MMP26: variants seen among roughly 807,000 people sequenced by gnomAD.
MMP26 encodes matrix metallopeptidase 26.
A neutral mutation model predicts 31.0 loss-of-function variants in MMP26; 33 were observed. The ratio of observed to expected loss-of-function variants is 1.06; its 90% CI spans 0.81 to 1.42. The LOEUF is 1.42. MMP26 is among the 40% of genes most tolerant of loss of function. MMP26 has a pLI of 0.00. For synonymous variants in MMP26, 122 were observed against 114.9 expected, an observed-to-expected ratio of 1.06 and a Z score of -0.40; for missense variants, 347 against 316.1, an observed-to-expected ratio of 1.10 and a Z score of -0.74.
At chr11:4,982,733 T>C (rs537916371) in intron 2 of MMP26, among the ~76,000 whole-genome samples, 7 of 152,316 alleles carry the variant, frequency 4.6e-5, no homozygotes, top group African/African-American at 1.4e-4. Flanking sequence ...ACATGACTTT[T>C]AAATCCCTAC....
chr11:4,777,675 G>A (rs753526929), intron 2 of MMP26, among the ~76,000 whole-genome samples: 8 of 152,046 alleles, frequency 5.3e-5, no homozygotes, highest in Non-Finnish European at 1.0e-4. Context: ...AAATAGGTTA[G>A]TTTTGCCTGT....
At chr11:4,967,222 A>T (rs1846608081) in intron 2 of MMP26, among the ~76,000 whole-genome samples, 1 of 152,222 alleles carries the variant, frequency 6.6e-6, no homozygotes, top group African/African-American at 2.4e-5. Flanking sequence ...GGTACTCAAT[A>T]AGGGAGTACT....
chr11:4,955,693 T>C (rs1479380823), intron 2 of MMP26: 8 of 1,540,784 alleles, frequency 5.2e-6, no homozygotes, highest in Non-Finnish European at 6.2e-6. Context: ...TTTCAACATA[T>C]GATGTGTTGA....
intron 1 of MMP26, among the ~76,000 whole-genome samples, chr11:4,746,937 C>G (rs2133297437): frequency 2.0e-5 from 3 of 151,702 alleles, no homozygotes; most frequent in Middle Eastern, 6.8e-3. Flanking sequence ...AAACTTTGAG[C>G]TGGATGTTTA....
chr11:4,831,862 A>C (rs570576920), intron 2 of MMP26, among the ~76,000 whole-genome samples: 6 of 152,222 alleles, frequency 3.9e-5, no homozygotes, highest in Non-Finnish European at 7.3e-5. Flanking sequence ...TCTAGCTAGA[A>C]AATTATTCAG....
intron 2 of MMP26, chr11:4,914,480 G>A (rs1184683889): frequency 4.3e-6 from 2 of 462,894 alleles, no homozygotes; most frequent in African/African-American, 1.9e-5. Flanking sequence ...AAGAGCATGT[G>A]GGTTTAGAAT....
intron 2 of MMP26, among the ~76,000 whole-genome samples, chr11:4,857,865 AG>A (rs748944356): frequency 4.6e-5 from 7 of 152,202 alleles, no homozygotes; most frequent in Non-Finnish European, 8.8e-5. Context: ...CACATCAAAA[AG>A]CTTATCCGCC....
chr11:4,723,502 T>TA, intron 1 of MMP26: 1 of 1,145,122 alleles, frequency 8.7e-7, no homozygotes, highest in East Asian at 2.3e-5. Context: ...CTCCTCTTCA[T>TA]ACAGCTGCCT....
chr11:4,952,285 A>G lies in MMP26; in HGVS notation c.-144-35783A>G, dbSNP rs1336308721. 2.4e-5 allele frequency among the ~76,000 whole-genome samples: 3 copies of G among 125,324 alleles called. No homozygotes were observed. In the East Asian group the frequency reaches 6.8e-4, roughly 28 times the overall value. The allele number at this position is 125,324 out of a possible 152,430, so 82.2% of individuals were successfully genotyped here. The stretch of plus-strand genomic sequence containing the variant: ...CATCTATGTACAATATCCTGAAAGA[A>G]TAAGATGCTTATTAAAGCCAACTAA... On this transcript the variant is annotated intron_variant, in intron 2 of 7. Coordinates refer to ENST00000380390, the MANE Select transcript of MMP26 (RefSeq NM_021801.5).
At chr11:4,725,633 G>C (rs1465525934) in intron 1 of MMP26, among the ~76,000 whole-genome samples, 1 of 152,160 alleles carries the variant, frequency 6.6e-6, no homozygotes, top group Non-Finnish European at 1.5e-5. Flanking sequence ...CTTGTGAAGA[G>C]GACCACTTTA....
intron 2 of MMP26, among the ~76,000 whole-genome samples, chr11:4,937,038 T>G (rs1384944426): frequency 1.3e-5 from 2 of 152,186 alleles, no homozygotes; most frequent in African/African-American, 4.8e-5. Context: ...AGGAGAATAC[T>G]TTTTTAAAGG....
chr11:4,820,053 C>A (rs976626148), intron 2 of MMP26, among the ~76,000 whole-genome samples: 1 of 152,170 alleles, frequency 6.6e-6, no homozygotes, highest in Non-Finnish European at 1.5e-5. Flanking sequence ...TTTGACACAT[C>A]AAACTCCCCT....
intron 2 of MMP26, among the ~76,000 whole-genome samples, chr11:4,987,800 C>T (rs904758749): frequency 6.6e-6 from 1 of 152,058 alleles, no homozygotes; most frequent in East Asian, 1.9e-4. Flanking sequence ...TCTTTTTTCT[C>T]TTTTTAGCTT....
At chr11:4,823,045 G>A (rs192641807) in intron 2 of MMP26, among the ~76,000 whole-genome samples, 110 of 152,178 alleles carry the variant, frequency 7.2e-4, no homozygotes, top group Admixed American at 3.0e-3. Flanking sequence ...TTATCTTGGT[G>A]TAAGAGAATC....
intron 2 of MMP26, among the ~76,000 whole-genome samples, chr11:4,927,177 C>T (rs999025660): frequency 1.3e-5 from 2 of 152,178 alleles, no homozygotes; most frequent in Non-Finnish European, 2.9e-5. Flanking sequence ...TCCTGTTCCT[C>T]ATATGGTTGC....
At chr11:4,725,523 T>G (rs935003155) in intron 1 of MMP26, among the ~76,000 whole-genome samples, 13 of 152,236 alleles carry the variant, frequency 8.5e-5, no homozygotes, top group African/African-American at 2.9e-4. Context: ...TTCTTTTCTT[T>G]TTCTTTCTCT....
chr11:4,821,873 T>G, intron 2 of MMP26: 1 of 1,613,998 alleles, frequency 6.2e-7, no homozygotes, highest in Non-Finnish European at 8.5e-7. Context: ...ATGAGCATGT[T>G]GATAAGAAAT....
rs59534473 is a variant in MMP26 at position 4,923,560 on chromosome 11, C to T, written c.-144-64508C>T. 4.1e-3 allele frequency: 6,602 copies of T among 1,613,984 alleles called. 235 individuals are homozygous for T. In the African/African-American group the frequency reaches 0.077, roughly 19 times the overall value. On this transcript the variant is annotated intron_variant, in intron 2 of 7. Transcript: ENST00000380390. Reference sequence around the variant, plus strand: ...GTTCACCAAAGCGATGCACAAGAGACAAGCCAATCATGGGGATGTAGAAGA... The same window carrying T: ...GTTCACCAAAGCGATGCACAAGAGATAAGCCAATCATGGGGATGTAGAAGA...
intron 1 of MMP26, among the ~76,000 whole-genome samples, chr11:4,758,904 G>A (rs1334864413): frequency 2.0e-5 from 3 of 151,894 alleles, no homozygotes; most frequent in East Asian, 1.9e-4. Flanking sequence ...CTGAGGTCAC[G>A]AGTTCGAGAC....
Sources: gnomAD v4.1 joint callset for allele counts (sites outside exome capture counted in the v4.1 genomes callset) on GRCh38, gnomAD v4.1.1 for gene constraint, MANE v1.5 for transcripts, NCBI Gene and HGNC (gene_info 2026-07-23, HGNC 2026-07-21) for gene names.